The following RAB28 variants were observed in gnomAD, a reference collection of about 807,000 sequenced individuals.
RAB28 encodes the protein ras-related protein Rab-28.
RAB28 carries 24 observed loss-of-function variants against 31.7 expected under a neutral mutation model. The ratio of observed to expected loss-of-function variants is 0.76; its 90% CI spans 0.55 to 1.06. The LOEUF (loss-of-function observed/expected upper bound fraction) is 1.06. RAB28 is among the 50% of genes least tolerant of loss of function. RAB28 has a pLI of 0.00. For missense variants in RAB28, 254 were observed against 258.5 expected (o/e 0.98, Z 0.12); for synonymous variants, 100 against 90.4 (o/e 1.11, Z -0.60).
At position 13,484,306 on chromosome 4, in the gene RAB28, G is replaced by A. The variant is rs1383659046; in HGVS notation, c.-156C>T. On this transcript the variant is annotated 5_prime_UTR_variant, in exon 1 of 7. Coordinates refer to ENST00000330852, the MANE Select transcript of RAB28 (RefSeq NM_001017979.3). ...GGAGGTATTCGAGGAGAATCACTCG[G>A]CAAGCGCCATCTTGCCCACCTCCCC... The A allele has an allele frequency of 2.1e-5, 13 of 631,262 alleles. 2 individuals carry two copies. The highest frequency in any genetic ancestry group is 1.9e-4 in the South Asian group (11 of 56,540). The allele number at this position is 631,262 out of a possible 1,614,324, so 39.1% of individuals were successfully genotyped here.
intron 4 of RAB28, among the ~76,000 whole-genome samples, chr4:13,385,252 G>C (rs1010049697): frequency 3.9e-5 from 6 of 152,172 alleles, no homozygotes; most frequent in African/African-American, 1.4e-4. Context: ...CAGATGGGGA[G>C]ATTGGAAGCA....
At chr4:13,415,395 G>A (rs1712699945) in intron 4 of RAB28, among the ~76,000 whole-genome samples, 1 of 152,160 alleles carries the variant, frequency 6.6e-6, no homozygotes, top group South Asian at 2.1e-4. Flanking sequence ...AGGGAGGTGT[G>A]GAGGGAGAGG....
intron 4 of RAB28, among the ~76,000 whole-genome samples, chr4:13,440,034 T>C (rs1714331085): frequency 6.6e-6 from 1 of 152,184 alleles, no homozygotes. Flanking sequence ...AAATGTGTCA[T>C]GACTGCCTTG....
At position 13,368,573 on chromosome 4, in the gene RAB28, CAT is replaced by C; in HGVS notation, c.649_650del (p.Met217ValfsTer28). On this transcript the variant is annotated frameshift_variant, in exon 7 of 7. Transcript: ENST00000330852. LOFTEE classifies it high-confidence loss of function. ...SRTVNPPRSS[M>X]CAVQ ...AAAAATGCGCTCACTGAACTGCACACATAGAGCTTCTAGGAGGGTTAACAGTC... is the reference window on the plus strand; with the variant it reads ...AAAAATGCGCTCACTGAACTGCACACAGAGCTTCTAGGAGGGTTAACAGTC... 5.6e-6 allele frequency: 9 copies of C among 1,611,930 alleles called. No homozygotes were observed. The highest frequency in any genetic ancestry group is 5.9e-6 in the Non-Finnish European group (7 of 1,178,824).
At chr4:13,376,472 G>T (rs1241737930) in intron 6 of RAB28, 73 bp downstream of exon 6, 11 of 1,121,308 alleles carry the variant, frequency 9.8e-6, no homozygotes, top group East Asian at 2.6e-5. Context: ...AAATGGGAAA[G>T]AATTTATGGG....
At chr4:13,445,247 C>A in intron 4 of RAB28, among the ~76,000 whole-genome samples, 1 of 151,922 alleles carries the variant, frequency 6.6e-6, no homozygotes, top group Admixed American at 6.6e-5. Context: ...ATGTTCCTAT[C>A]TAAACTGGTT....
At chr4:13,406,371 T>C (rs945323099) in intron 4 of RAB28, among the ~76,000 whole-genome samples, 3 of 152,216 alleles carry the variant, frequency 2.0e-5, no homozygotes, top group African/African-American at 7.2e-5. Flanking sequence ...ATGGTGTATA[T>C]ATAACACATT....
intron 6 of RAB28, chr4:13,371,607 C>CT: frequency 1.0e-6 from 1 of 985,250 alleles, no homozygotes; most frequent in African/African-American, 1.7e-5. Context: ...TGACATAAAG[C>CT]TTTGTAAAAT....
At chr4:13,423,490 GA>G (rs368363726) in intron 4 of RAB28, among the ~76,000 whole-genome samples, 3,508 of 149,166 alleles carry the variant, frequency 0.024, 63 homozygotes, top group Non-Finnish European at 0.032. Flanking sequence ...TCTCGGGGGG[GA>G]AAAAAAAAGG....
At position 13,450,668 on chromosome 4, in the gene RAB28, A is replaced by C. The variant is rs191530155; in HGVS notation, c.391+10031T>G. Among the ~76,000 whole-genome samples the C allele has an allele frequency of 2.2e-4, 33 of 152,032 alleles. No individual in the cohort carries two copies. In the Middle Eastern group the frequency reaches 0.01, roughly 47 times the overall value. On this transcript the variant is annotated intron_variant, in intron 4 of 6. Transcript: ENST00000330852. ...AACAATATATCAGATGACAATAAGAATATGCAGATAACTGAAACTTAATGG... is the reference window on the plus strand; with the variant it reads ...AACAATATATCAGATGACAATAAGACTATGCAGATAACTGAAACTTAATGG...
chr4:13,428,475 G>T lies in RAB28; in HGVS notation c.391+32224C>A, dbSNP rs987900098. On this transcript the variant is annotated intron_variant, in intron 4 of 6. Transcript: ENST00000330852. ...CAATAAACAGGATAAAAATCAGTCA[G>T]AAACATCCAGAAAGGATGAAAATCA... Among the ~76,000 whole-genome samples, 3 of 152,312 alleles carry T rather than the reference G, an allele frequency of 2.0e-5. No homozygotes were observed. The South Asian group carries it at 6.2e-4, about 32-fold the overall frequency.
In RAB28 at chr4:13,368,119, A is replaced by G; in HGVS notation, c.*439T>C. On this transcript the variant is annotated 3_prime_UTR_variant, in exon 7 of 7. Coordinates refer to ENST00000330852, the MANE Select transcript of RAB28 (RefSeq NM_001017979.3). Reference sequence around the variant, plus strand: ...TCATAAGTATCTGTAGGTAAAATATATTACTTGCTTAATGTTTGCACTCTG... The same window carrying G: ...TCATAAGTATCTGTAGGTAAAATATGTTACTTGCTTAATGTTTGCACTCTG... The G allele has an allele frequency of 1.0e-6, 1 of 984,042 alleles. No individual in the cohort carries two copies. The highest frequency in any genetic ancestry group is 1.2e-6 in the Non-Finnish European group (1 of 828,598). The allele number at this position is 984,042 out of a possible 1,614,324, so 61.0% of individuals were successfully genotyped here. A position where few individuals can be genotyped will look rare whatever the true frequency, so the allele number is the denominator to read the frequency against.
At chr4:13,471,134 T>G (rs1387876484) in intron 3 of RAB28, among the ~76,000 whole-genome samples, 1 of 152,206 alleles carries the variant, frequency 6.6e-6, no homozygotes, top group South Asian at 2.1e-4. Flanking sequence ...TGAAAAAGCT[T>G]GTCTCAACAT....
At position 13,398,514 on chromosome 4, in the gene RAB28, C is replaced by A. The variant is rs10034356; in HGVS notation, c.392-16920G>T. ...AGACTGTCGGCCGGGCGCGGTGGCT[C>A]ACGCCTGTAAGCCCAGCACTTTGGG... On this transcript the variant is annotated intron_variant, in intron 4 of 6. Coordinates refer to ENST00000330852, the MANE Select transcript of RAB28 (RefSeq NM_001017979.3). Among the ~76,000 whole-genome samples, 1,017 of 152,280 alleles carry A rather than the reference C, an allele frequency of 6.7e-3. 5 individuals are homozygous for A. Among genetic ancestry groups the A allele is most frequent in the Non-Finnish European group, 0.01 (697 of 68,020 alleles).
intron 4 of RAB28, among the ~76,000 whole-genome samples, chr4:13,384,782 T>G (rs943554518): frequency 6.6e-6 from 1 of 152,082 alleles, no homozygotes; most frequent in African/African-American, 2.4e-5. Flanking sequence ...ACATAAGAAC[T>G]CTAACAACTC....
intron 2 of RAB28, among the ~76,000 whole-genome samples, chr4:13,476,062 TA>T (rs758790289): frequency 3.0e-4 from 46 of 151,696 alleles, no homozygotes; most frequent in Admixed American, 2.0e-3. Context: ...TAGTAAGTGC[TA>T]AAAGGTGTTT....
intron 1 of RAB28, among the ~76,000 whole-genome samples, chr4:13,480,561 C>A (rs1301597948): frequency 6.6e-6 from 1 of 151,756 alleles, no homozygotes; most frequent in African/African-American, 2.4e-5. Flanking sequence ...TACAATAGTG[C>A]AAAAGAAAAT....
At chr4:13,434,876 A>G (rs574915632) in intron 4 of RAB28, among the ~76,000 whole-genome samples, 2 of 151,880 alleles carry the variant, frequency 1.3e-5, no homozygotes, top group Admixed American at 1.3e-4. Flanking sequence ...AAAATTAGCC[A>G]GGCATGGTGG....
intron 4 of RAB28, among the ~76,000 whole-genome samples, chr4:13,393,855 C>CAAAAAAA (rs759509251): frequency 2.5e-5 from 2 of 79,364 alleles, no homozygotes; most frequent in Non-Finnish European, 4.8e-5. Context: ...TCACAGGCTA[C>CAAAAAAA]AAAAAAAAAA....
Sources: gnomAD v4.1 joint callset for allele counts (sites outside exome capture counted in the v4.1 genomes callset) on GRCh38, gnomAD v4.1.1 for gene constraint, MANE v1.5 for transcripts, NCBI Gene and HGNC (gene_info 2026-07-23, HGNC 2026-07-21) for gene names.